Variants in EYS observed in about 807,000 individuals in gnomAD.
The protein encoded by EYS is protein eyes shut homolog.
A neutral mutation model predicts 282.1 loss-of-function variants in EYS; 250 were observed. That is an observed-to-expected ratio of 0.89 (90% CI 0.80 to 0.98). EYS has a LOEUF of 0.98. Among genes scored for constraint, EYS ranks in the 50% least tolerant of loss-of-function variants. EYS has a pLI of 0.00. For synonymous variants in EYS, 1,355 were observed against 1,282.9 expected (o/e 1.06, Z -1.20); for missense variants, 4,016 against 3,709.0 (o/e 1.08, Z -2.15).
chr6:64,812,872 T>G (rs963179130), intron 22 of EYS, among the ~76,000 whole-genome samples: 1 of 151,968 alleles, frequency 6.6e-6, no homozygotes, highest in Non-Finnish European at 1.5e-5. Context: ...AAAAAATTCA[T>G]CTCCTAAAAT....
intron 12 of EYS, among the ~76,000 whole-genome samples, chr6:65,096,367 C>T (rs906446499): frequency 1.3e-5 from 2 of 150,646 alleles, no homozygotes; most frequent in African/African-American, 4.8e-5. Flanking sequence ...CATGGAAAGA[C>T]ATGCTGATTT....
chr6:65,431,372 T>C (rs570596768), intron 5 of EYS, among the ~76,000 whole-genome samples: 2 of 152,294 alleles, frequency 1.3e-5, no homozygotes, highest in East Asian at 3.9e-4. Flanking sequence ...CTTTAATTGC[T>C]GGTATTCCTC....
At chr6:64,413,119 C>G (rs2150445193) in intron 28 of EYS, among the ~76,000 whole-genome samples, 1 of 152,240 alleles carries the variant, frequency 6.6e-6, no homozygotes, top group East Asian at 1.9e-4. Flanking sequence ...CCCTTCCTCA[C>G]CTTGTGCAGC....
chr6:64,443,183 C>A (rs866258292), intron 26 of EYS, among the ~76,000 whole-genome samples: 1 of 152,200 alleles, frequency 6.6e-6, no homozygotes, highest in African/African-American at 2.4e-5. Context: ...CAAAGGAGAT[C>A]ATTTTGGAGC....
At position 64,617,015 on chromosome 6, in the gene EYS, C is replaced by T. The variant is rs143716932; in HGVS notation, c.3684+403G>A. Among the ~76,000 whole-genome samples the T allele has an allele frequency of 3.8e-4, 58 of 152,192 alleles. 1 individual carries two copies. In the East Asian group the frequency reaches 0.01, roughly 27 times the overall value. On this transcript the variant is annotated intron_variant, in intron 24 of 42. Transcript: ENST00000503581. ...GCTGAGGAAGCAGATCCGTCCTCCT[C>T]GGACATACAATATGCTGAGCCCAAC...
chr6:65,493,307 C>T (rs1766117305), intron 4 of EYS, among the ~76,000 whole-genome samples: 2 of 152,162 alleles, frequency 1.3e-5, no homozygotes, highest in South Asian at 4.1e-4. Flanking sequence ...CTAAAGCCTG[C>T]CTAACAAAAT....
rs150401631 is a variant in EYS, at chr6:64,406,725, A to T, written c.5928-17885T>A. On this transcript the variant is annotated intron_variant, in intron 28 of 42. Coordinates refer to ENST00000503581, the MANE Select transcript of EYS (RefSeq NM_001142800.2). ...GAAAAAATGCTCATCACTGGTTATTACAGAAATGCAAATCAAATCTGCAAT... is the reference window on the plus strand; with the variant it reads ...GAAAAAATGCTCATCACTGGTTATTTCAGAAATGCAAATCAAATCTGCAAT... Among the ~76,000 whole-genome samples, 646 of 152,346 alleles carry T rather than the reference A, an allele frequency of 4.2e-3. 5 individuals are homozygous for T. The highest frequency in any genetic ancestry group is 0.015 in the African/African-American group (608 of 41,580).
intron 2 of EYS, among the ~76,000 whole-genome samples, chr6:65,545,808 A>T (rs1222195290): frequency 6.6e-6 from 1 of 152,142 alleles, no homozygotes. Context: ...TTATTTCATG[A>T]CTATTATGGA....
intron 40 of EYS, among the ~76,000 whole-genome samples, chr6:63,775,000 C>T (rs1046827785): frequency 6.6e-6 from 1 of 151,298 alleles, no homozygotes; most frequent in East Asian, 1.9e-4. Context: ...TTAATGTAAC[C>T]TTTTTTCTTT....
intron 22 of EYS, among the ~76,000 whole-genome samples, chr6:64,766,652 ATATATAT>A (rs1562180003): frequency 1.2e-4 from 6 of 48,552 alleles, no homozygotes; most frequent in African/African-American, 5.2e-4. Flanking sequence ...AAAAAAAAAT[ATATATAT>A]ATATATATAT....
At chr6:64,551,117 C>T (rs915689582) in intron 26 of EYS, among the ~76,000 whole-genome samples, 3 of 145,440 alleles carry the variant, frequency 2.1e-5, no homozygotes, top group Non-Finnish European at 3.1e-5. Context: ...TATACACACG[C>T]ATATATACAC....
intron 12 of EYS, among the ~76,000 whole-genome samples, chr6:65,207,504 C>A (rs1766065692): frequency 1.3e-5 from 2 of 151,712 alleles, no homozygotes; most frequent in African/African-American, 4.8e-5. Context: ...CAATGTCATT[C>A]TTCACAGGAT....
chr6:64,407,856 C>G (rs1049184352), intron 28 of EYS, among the ~76,000 whole-genome samples: 1 of 152,084 alleles, frequency 6.6e-6, no homozygotes, highest in East Asian at 1.9e-4. Context: ...CTCAGCCTCC[C>G]GAGGAGCTGA....
intron 2 of EYS, among the ~76,000 whole-genome samples, chr6:65,539,752 C>T (rs1768095192): frequency 6.6e-6 from 1 of 152,082 alleles, no homozygotes. Context: ...TAGATGAAAA[C>T]TATGTTCTTT....
intron 35 of EYS, among the ~76,000 whole-genome samples, chr6:63,900,469 C>G (rs1396897845): frequency 2.0e-5 from 3 of 152,002 alleles, no homozygotes; most frequent in Non-Finnish European, 2.9e-5. Flanking sequence ...ACAACTTTCC[C>G]ATATATTTAG....
intron 7 of EYS, among the ~76,000 whole-genome samples, chr6:65,400,463 A>G (rs942192686): frequency 6.6e-6 from 1 of 151,860 alleles, no homozygotes; most frequent in Non-Finnish European, 1.5e-5. Flanking sequence ...TGCTCCCAGC[A>G]TTGCCACTTT....
intron 26 of EYS, among the ~76,000 whole-genome samples, chr6:64,554,638 A>C (rs2149807876): frequency 6.6e-6 from 1 of 152,134 alleles, no homozygotes; most frequent in South Asian, 2.1e-4. Context: ...ATTTTCAATA[A>C]GGGATTGTTA....
At chr6:65,359,851 A>G (rs1764632000) in intron 8 of EYS, among the ~76,000 whole-genome samples, 1 of 151,874 alleles carries the variant, frequency 6.6e-6, no homozygotes, top group African/African-American at 2.4e-5. Context: ...CATTTTTTTC[A>G]GTAGCCTGGA....
At chr6:65,144,484 T>G (rs1324865700) in intron 12 of EYS, among the ~76,000 whole-genome samples, 3 of 152,076 alleles carry the variant, frequency 2.0e-5, no homozygotes, top group Admixed American at 1.3e-4. Flanking sequence ...CGAATTTGGT[T>G]AAACCAGTGA....
Sources: gnomAD v4.1 joint callset for allele counts (sites outside exome capture counted in the v4.1 genomes callset) on GRCh38, gnomAD v4.1.1 for gene constraint, MANE v1.5 for transcripts, NCBI Gene and HGNC (gene_info 2026-07-23, HGNC 2026-07-21) for gene names.